CTNNA3: variants seen among roughly 807,000 people sequenced by gnomAD.
CTNNA3 encodes the protein catenin alpha 3.
Under a neutral mutation model 95.7 loss-of-function variants are expected in CTNNA3, and 76 were observed. The ratio of observed to expected loss-of-function variants is 0.79; its 90% CI spans 0.66 to 0.96. The LOEUF is 0.96. Ranked by LOEUF, CTNNA3 falls within the 40% of genes least tolerant of loss-of-function variation. The probability of loss-of-function intolerance (pLI) is 0.00; values close to 1 mark genes in which losing one functional copy is unlikely to be tolerated. For missense variants in CTNNA3, 1,191 were observed against 1,089.8 expected (o/e 1.09, Z -1.31); for synonymous variants, 431 against 374.4 (o/e 1.15, Z -1.74).
intron 6 of CTNNA3, among the ~76,000 whole-genome samples, chr10:67,197,809 C>A (rs2132197165): frequency 6.6e-6 from 1 of 151,832 alleles, no homozygotes; most frequent in East Asian, 1.9e-4. Context: ...TTAACTAGGG[C>A]TTAAGAAAAA....
At chr10:67,729,088 TA>T (rs947296197) in intron 1 of CTNNA3, among the ~76,000 whole-genome samples, 1 of 152,174 alleles carries the variant, frequency 6.6e-6, no homozygotes, top group Non-Finnish European at 1.5e-5. Context: ...TTAAAATATT[TA>T]AATATTAAAT....
rs532492720 is a variant in CTNNA3, at chr10:66,253,445, GCC to G, written c.1884+27023_1884+27024del. ...TTACTATACCACAAGCTTCTGTATG[GCC>G]ACTGGAATCCTTCTAACTCCATTTA... On this transcript the variant is annotated intron_variant, in intron 13 of 17. Coordinates refer to ENST00000433211, the MANE Select transcript of CTNNA3 (RefSeq NM_013266.4). Among the ~76,000 whole-genome samples the G allele has an allele frequency of 2.6e-4, 39 of 151,886 alleles. No individual in the cohort carries two copies. The East Asian group carries it at 5.8e-3, about 23-fold the overall frequency.
chr10:66,809,969 T>G (rs1262374631), intron 7 of CTNNA3, among the ~76,000 whole-genome samples: 2 of 152,136 alleles, frequency 1.3e-5, no homozygotes, highest in African/African-American at 4.8e-5. Flanking sequence ...CATGCCCGGC[T>G]AATTTTTGTA....
At chr10:66,814,737 C>A (rs1589285595) in intron 7 of CTNNA3, among the ~76,000 whole-genome samples, 1 of 151,856 alleles carries the variant, frequency 6.6e-6, no homozygotes, top group Admixed American at 6.6e-5. Context: ...GTACTCCAGC[C>A]TAGCTGACAG....
At chr10:67,264,031 G>T (rs1866721370) in intron 5 of CTNNA3, among the ~76,000 whole-genome samples, 1 of 151,676 alleles carries the variant, frequency 6.6e-6, no homozygotes, top group Non-Finnish European at 1.5e-5. Context: ...AAAAAAAAGG[G>T]TAACATTTGA....
chr10:67,444,766 C>CAACT (rs1043785126), intron 5 of CTNNA3, among the ~76,000 whole-genome samples: 6 of 151,970 alleles, frequency 3.9e-5, no homozygotes, highest in African/African-American at 1.4e-4. Context: ...CTACTATGAG[C>CAACT]AACTATATGC....
At chr10:67,560,092 A>C (rs1841442416) in intron 3 of CTNNA3, among the ~76,000 whole-genome samples, 1 of 152,164 alleles carries the variant, frequency 6.6e-6, no homozygotes, top group South Asian at 2.1e-4. Flanking sequence ...AACTTCCCCA[A>C]TCTAGCAAGG....
chr10:67,600,972 A>C (rs527927230), intron 3 of CTNNA3, among the ~76,000 whole-genome samples: 1 of 152,322 alleles, frequency 6.6e-6, no homozygotes, highest in Admixed American at 6.5e-5. Flanking sequence ...AAAAAGAGGC[A>C]AAACTCACCT....
chr10:66,184,096 G>A (rs1032316466), intron 13 of CTNNA3, among the ~76,000 whole-genome samples: 1 of 151,878 alleles, frequency 6.6e-6, no homozygotes, highest in Non-Finnish European at 1.5e-5. Flanking sequence ...TCAGGAGTTC[G>A]AAACCAGCCT....
intron 11 of CTNNA3, among the ~76,000 whole-genome samples, chr10:66,408,034 T>C (rs2093071769): frequency 6.6e-6 from 1 of 152,214 alleles, no homozygotes; most frequent in African/African-American, 2.4e-5. Flanking sequence ...TAAAATGGCA[T>C]AGTATTTGCA....
chr10:67,549,303 G>A (rs1225287504), intron 3 of CTNNA3, among the ~76,000 whole-genome samples: 2 of 152,014 alleles, frequency 1.3e-5, no homozygotes, highest in African/African-American at 2.4e-5. Flanking sequence ...TCCTTGGGGG[G>A]AATATCAAGA....
chr10:66,760,916 T>A (rs1398038067), intron 9 of CTNNA3, among the ~76,000 whole-genome samples: 1 of 152,166 alleles, frequency 6.6e-6, no homozygotes, highest in Non-Finnish European at 1.5e-5. Context: ...GCTGCCAAGA[T>A]GCTCACTTAG....
chr10:66,797,034 C>T (rs1329722710), intron 7 of CTNNA3, among the ~76,000 whole-genome samples: 1 of 151,690 alleles, frequency 6.6e-6, no homozygotes, highest in Non-Finnish European at 1.5e-5. Flanking sequence ...AGCCTATTAA[C>T]ACAATTTCAA....
At chr10:67,746,958 G>A (rs1841377854) in intron 1 of CTNNA3, among the ~76,000 whole-genome samples, 1 of 152,200 alleles carries the variant, frequency 6.6e-6, no homozygotes, top group South Asian at 2.1e-4. Context: ...GGGGAAACTG[G>A]ATGGCTTGGA....
chr10:65,996,093 T>C (rs531312508), intron 15 of CTNNA3, among the ~76,000 whole-genome samples: 23 of 152,244 alleles, frequency 1.5e-4, no homozygotes, highest in African/African-American at 5.3e-4. Context: ...GAATTGGGGT[T>C]ATTTTCAGTG....
At chr10:67,496,741 A>C (rs904201277) in intron 5 of CTNNA3, among the ~76,000 whole-genome samples, 16 of 152,186 alleles carry the variant, frequency 1.1e-4, no homozygotes, top group African/African-American at 3.4e-4. Flanking sequence ...TACAGTTCAA[A>C]ATGAGATGTA....
chr10:66,897,214 T>G (rs913121705), intron 7 of CTNNA3, among the ~76,000 whole-genome samples: 6 of 152,114 alleles, frequency 3.9e-5, no homozygotes, highest in African/African-American at 1.4e-4. Flanking sequence ...TTTAAGCATA[T>G]ACAGTATGCT....
chr10:67,560,897 T>C (rs1475024026), intron 3 of CTNNA3, among the ~76,000 whole-genome samples: 4 of 152,102 alleles, frequency 2.6e-5, no homozygotes, highest in Non-Finnish European at 4.4e-5. Flanking sequence ...AAGAAGGCCA[T>C]TGCATAATGG....
At chr10:65,923,317 G>A (rs1336375240) in intron 17 of CTNNA3, among the ~76,000 whole-genome samples, 2 of 152,144 alleles carry the variant, frequency 1.3e-5, no homozygotes, top group East Asian at 1.9e-4. Context: ...TGACCTAATG[G>A]TAGTAGTTTT....
Sources: gnomAD v4.1 joint callset for allele counts (sites outside exome capture counted in the v4.1 genomes callset) on GRCh38, gnomAD v4.1.1 for gene constraint, MANE v1.5 for transcripts, NCBI Gene and HGNC (gene_info 2026-07-23, HGNC 2026-07-21) for gene names.